The following SHB variants were observed in gnomAD, a reference collection of about 807,000 sequenced individuals.
SHB encodes the protein SH2 domain containing adaptor protein B, also known as SH2 domain-containing adapter protein B.
In SHB, 20 loss-of-function variants were observed where a neutral mutation model predicts 52.3. That is an observed-to-expected ratio of 0.38 (90% confidence interval 0.27 to 0.56). The LOEUF (loss-of-function observed/expected upper bound fraction) is 0.56, where lower values mean the gene tolerates loss of function less well. Ranked by LOEUF, SHB falls within the 20% of genes least tolerant of loss-of-function variation. The pLI is 0.71. For missense variants in SHB, 825 were observed against 723.3 expected (o/e 1.14, Z -1.61); for synonymous variants, 397 against 316.5 (o/e 1.25, Z -2.70).
intron 1 of SHB, among the ~76,000 whole-genome samples, chr9:38,065,442 T>C (rs1821949358): frequency 6.6e-6 from 1 of 152,106 alleles, no homozygotes; most frequent in African/African-American, 2.4e-5. Context: ...CCTCAGCCAT[T>C]TCCCCTCAAC....
At chr9:38,048,594 G>C (rs944880420) in intron 1 of SHB, among the ~76,000 whole-genome samples, 2 of 152,132 alleles carry the variant, frequency 1.3e-5, no homozygotes, top group African/African-American at 2.4e-5. Context: ...TGATGGCACT[G>C]TTGCACTCTA....
At chr9:38,046,562 T>C (rs1277981674) in intron 1 of SHB, among the ~76,000 whole-genome samples, 1 of 151,968 alleles carries the variant, frequency 6.6e-6, no homozygotes, top group South Asian at 2.1e-4. Context: ...TACTCTGGAG[T>C]GGATTTAATT....
At position 37,919,758 on chromosome 9, in the gene SHB, TG is replaced by T. The variant is rs1218459802; in HGVS notation, c.*62del. On this transcript the variant is annotated 3_prime_UTR_variant, in exon 6 of 6. Transcript: ENST00000377707. ...CAGCAACAGTGGCTGGGCTGGTTGG[TG>T]GGGGGCCTCTGGCACCTCCAAGTCT... 6.6e-6 allele frequency: 9 copies of T among 1,368,960 alleles called. No homozygotes were observed. The highest frequency in any genetic ancestry group is 1.2e-5 in the South Asian group (1 of 82,314). 84.8% of individuals were successfully genotyped at this position (1,368,960 alleles called of 1,614,324 possible). A position where few individuals can be genotyped will look rare whatever the true frequency, so the allele number is the denominator to read the frequency against.
intron 1 of SHB, among the ~76,000 whole-genome samples, chr9:38,058,155 G>A (rs1411340444): frequency 6.6e-6 from 1 of 152,198 alleles, no homozygotes; most frequent in Admixed American, 6.5e-5. Context: ...ACTGTAGATG[G>A]GATCCCCTCT....
At chr9:37,995,173 T>G (rs977396511) in intron 2 of SHB, among the ~76,000 whole-genome samples, 1 of 152,090 alleles carries the variant, frequency 6.6e-6, no homozygotes, top group East Asian at 1.9e-4. Flanking sequence ...ACGTTACAGC[T>G]GCCACCACAC....
chr9:38,036,559 C>T (rs1322863659), intron 1 of SHB, among the ~76,000 whole-genome samples: 2 of 152,164 alleles, frequency 1.3e-5, no homozygotes, highest in Admixed American at 6.5e-5. Flanking sequence ...CCACTGGCGG[C>T]GATGATCTCA....
rs1330818377 is a variant in SHB, at chr9:37,956,353, T to TG, written c.1055-300_1055-299insC. 7.7e-4 allele frequency among the ~76,000 whole-genome samples: 117 copies of TG among 152,046 alleles called. 1 individual carries two copies. Among genetic ancestry groups the TG allele is most frequent in the African/African-American group, 2.6e-3 (107 of 41,440 alleles). On this transcript the variant is annotated intron_variant, in intron 3 of 5. Transcript: ENST00000377707. Reference sequence around the variant, plus strand: ...TCTAGCGGGGGGCATGGCACTGCCTTCGGGGGGCACTGCCTTGGGGGAACT... The same window carrying TG: ...TCTAGCGGGGGGCATGGCACTGCCTTGCGGGGGGCACTGCCTTGGGGGAACT...
Position 38,006,262 on chromosome 9 carries a change from C to T in SHB, c.838+9749G>A, listed in dbSNP as rs564034948. Among the ~76,000 whole-genome samples, 21 of 152,320 alleles carry T rather than the reference C, an allele frequency of 1.4e-4. No homozygotes were observed. In the East Asian group the frequency reaches 3.5e-3, roughly 25 times the overall value. On this transcript the variant is annotated intron_variant, in intron 2 of 5. Transcript: ENST00000377707. ...TTGCTATAGCCTCGGAACCATAGAA[C>T]CTGTCTCCCTGCCTCTTGCTAGGCG...
chr9:37,953,372 T>C (rs1164146743), intron 4 of SHB, among the ~76,000 whole-genome samples: 2 of 151,454 alleles, frequency 1.3e-5, no homozygotes, highest in Admixed American at 6.6e-5. Flanking sequence ...CCTGCCCTCA[T>C]GGAGTTTCTG....
intron 4 of SHB, 115 bp from the exon 5 acceptor site, chr9:37,948,869 C>CAAG: frequency 7.3e-7 from 1 of 1,365,134 alleles, no homozygotes; most frequent in South Asian, 1.3e-5. Context: ...CAGGCATGCA[C>CAAG]TGGTTCATTC....
Position 38,039,114 on chromosome 9 carries a change from C to T in SHB, c.718-22983G>A, listed in dbSNP as rs111334309. Among the ~76,000 whole-genome samples, 291 of 152,266 alleles carry T rather than the reference C, an allele frequency of 1.9e-3. 3 individuals are homozygous for T. Among genetic ancestry groups the T allele is most frequent in the African/African-American group, 4.6e-3 (192 of 41,544 alleles). On this transcript the variant is annotated intron_variant, in intron 1 of 5. Transcript: ENST00000377707. Reference sequence around the variant, plus strand: ...GGGGTCGCCAGAGAACATTTTCTTCCCCGGAAAAATGTGGATAATACATAG... The same window carrying T: ...GGGGTCGCCAGAGAACATTTTCTTCTCCGGAAAAATGTGGATAATACATAG...
In SHB at chr9:37,917,544, C is replaced by T. The variant is rs559684824; in HGVS notation, c.*2277G>A. Among the ~76,000 whole-genome samples the T allele has an allele frequency of 1.3e-5, 2 of 152,228 alleles. No homozygotes were observed. The highest frequency in any genetic ancestry group is 2.9e-5 in the Non-Finnish European group (2 of 68,040). On this transcript the variant is annotated 3_prime_UTR_variant, in exon 6 of 6. Coordinates refer to ENST00000377707, the MANE Select transcript of SHB (RefSeq NM_003028.3). ...GAACTTGCCAGTGTGAGGTCTCACC[C>T]TCCTCCCCCGCCGGAGGGTTGTTCC... is the stretch of plus-strand genomic sequence containing the variant.
At chr9:38,035,328 C>T (rs960895919) in intron 1 of SHB, among the ~76,000 whole-genome samples, 1 of 151,680 alleles carries the variant, frequency 6.6e-6, no homozygotes, top group Non-Finnish European at 1.5e-5. Context: ...GACCTCCAAG[C>T]AGAAGCGGGT....
intron 1 of SHB, among the ~76,000 whole-genome samples, chr9:38,018,925 G>A (rs1324728438): frequency 6.6e-6 from 1 of 152,222 alleles, no homozygotes; most frequent in Non-Finnish European, 1.5e-5. Flanking sequence ...CCAGATGTGA[G>A]ATTGGATTTC....
chr9:37,964,739 C>T (rs1281333305), intron 3 of SHB, among the ~76,000 whole-genome samples: 1 of 152,130 alleles, frequency 6.6e-6, no homozygotes, highest in Non-Finnish European at 1.5e-5. Context: ...ACCATAGTAA[C>T]CACAGTGATA....
At chr9:37,935,533 A>C (rs1348470187) in intron 5 of SHB, among the ~76,000 whole-genome samples, 1 of 152,148 alleles carries the variant, frequency 6.6e-6, no homozygotes, top group African/African-American at 2.4e-5. Flanking sequence ...CGTCTCCTTC[A>C]GCGTAAAGTG....
At chr9:38,015,592 T>G in intron 2 of SHB, 1 of 628,642 alleles carries the variant, frequency 1.6e-6, no homozygotes, top group Non-Finnish European at 2.9e-6. Context: ...AGCTCTCTTC[T>G]ACTAAGCAAC....
chr9:38,028,150 C>T (rs1011516778), intron 1 of SHB, among the ~76,000 whole-genome samples: 2 of 152,034 alleles, frequency 1.3e-5, no homozygotes, highest in Non-Finnish European at 2.9e-5. Context: ...ATCATTTTCT[C>T]CTGGTCTAGG....
intron 2 of SHB, among the ~76,000 whole-genome samples, chr9:38,014,456 A>G (rs1186186167): frequency 2.0e-5 from 3 of 152,252 alleles, no homozygotes; most frequent in African/African-American, 7.2e-5. Flanking sequence ...GGGCCCAGGC[A>G]TGCATCACAT....
Sources: allele counts gnomAD v4.1 joint callset (sites outside exome capture counted in the v4.1 genomes callset), GRCh38; gene constraint gnomAD v4.1.1; transcripts MANE v1.5; gene names NCBI Gene and HGNC (gene_info 2026-07-23, HGNC 2026-07-21).